The following TAF4 variants were observed in gnomAD, a reference collection of about 807,000 sequenced individuals.
TAF4 encodes TATA-box binding protein associated factor 4, also known as transcription initiation factor TFIID subunit 4.
TAF4 carries 9 observed loss-of-function variants against 90.3 expected under a neutral mutation model. The observed-to-expected ratio is 0.10, with a 90% CI of 0.06 to 0.17. The LOEUF is 0.17. Among genes scored for constraint, TAF4 ranks in the 10% least tolerant of loss-of-function variants. TAF4 has a pLI of 1.00. For missense variants in TAF4, 1,351 were observed against 1,370.7 expected (o/e 0.99, Z 0.23); for synonymous variants, 818 against 638.9 (o/e 1.28, Z -4.23).
At chr20:62,051,394 C>G (rs1951213983) in intron 1 of TAF4, among the ~76,000 whole-genome samples, 1 of 152,142 alleles carries the variant, frequency 6.6e-6, no homozygotes, top group Non-Finnish European at 1.5e-5. Context: ...CTCAGGCCTC[C>G]TCTCACACGA....
At chr20:62,028,480 G>A (rs946749608) in intron 1 of TAF4, among the ~76,000 whole-genome samples, 1 of 152,246 alleles carries the variant, frequency 6.6e-6, no homozygotes, top group South Asian at 2.1e-4. Flanking sequence ...GAGGGCTGAC[G>A]TTTTGCTCGC....
intron 14 of TAF4, among the ~76,000 whole-genome samples, chr20:61,986,973 G>A (rs1382062350): frequency 6.6e-6 from 1 of 152,216 alleles, no homozygotes; most frequent in Non-Finnish European, 1.5e-5. Flanking sequence ...AATGGTATCA[G>A]CAGCCTCCAA....
chr20:62,061,388 AG>A (rs1483143211), intron 1 of TAF4, among the ~76,000 whole-genome samples: 1 of 152,252 alleles, frequency 6.6e-6, no homozygotes, highest in Non-Finnish European at 1.5e-5. Context: ...CCCTAGGCCA[AG>A]GGATCAAGGC....
intron 14 of TAF4, among the ~76,000 whole-genome samples, chr20:61,991,002 A>C (rs2055628091): frequency 6.6e-6 from 1 of 152,236 alleles, no homozygotes; most frequent in Non-Finnish European, 1.5e-5. Context: ...TAAAAAGCAG[A>C]AGAGCATCCC....
intron 14 of TAF4, chr20:61,980,400 C>G (rs983164638): frequency 3.3e-5 from 5 of 152,284 alleles, no homozygotes; most frequent in Non-Finnish European, 5.9e-5. Flanking sequence ...CGCCACGGAG[C>G]CCCAGCCGAG....
intron 1 of TAF4, among the ~76,000 whole-genome samples, chr20:62,043,668 G>A (rs2055976444): frequency 6.6e-6 from 1 of 152,062 alleles, no homozygotes; most frequent in Non-Finnish European, 1.5e-5. Context: ...TCTATGTTTA[G>A]ATACACAAAC....
chr20:62,000,628 C>G lies in TAF4; in HGVS notation c.2580G>C (p.Val860=). Residue 860 remains valine, a synonymous_variant, in exon 10 of 15, where the codon GTG becomes GTC. Transcript: ENST00000252996. ...CTTTACAGGACCGCGTTAGCGTGCC[C>G]ACCAATTCAGAGTTCGTGGCTAATA... ...ARILATNSEL[V]GTLTRSCKDE... 1 of 1,614,282 alleles carries G rather than the reference C, an allele frequency of 6.2e-7. No individual in the cohort carries two copies. The highest frequency in any genetic ancestry group is 8.5e-7 in the Non-Finnish European group (1 of 1,180,050).
At chr20:62,038,551 T>C (rs1434348857) in intron 1 of TAF4, among the ~76,000 whole-genome samples, 1 of 152,088 alleles carries the variant, frequency 6.6e-6, no homozygotes, top group Non-Finnish European at 1.5e-5. Context: ...ACCACGTACA[T>C]GGCATAAAAT....
intron 10 of TAF4, 147 bp downstream of exon 10, chr20:62,000,405 T>G (rs1425698339): frequency 1.6e-5 from 23 of 1,397,202 alleles, no homozygotes; most frequent in Non-Finnish European, 2.2e-5. Context: ...TACCCATATT[T>G]TACCCAAGAA....
At chr20:62,007,122 A>T (rs929709777) in intron 6 of TAF4, 1 of 269,002 alleles carries the variant, frequency 3.7e-6, no homozygotes, top group Non-Finnish European at 6.9e-6. Context: ...TCTATCTATG[A>T]CTGTAACAAA....
rs190233654 is a variant in TAF4 at position 62,011,183 on chromosome 20, G to C, written c.1642-1018C>G. On this transcript the variant is annotated intron_variant, in intron 3 of 14. Transcript: ENST00000252996. Reference sequence around the variant, plus strand: ...TCTAAGTCTGTGTATCTTTTCACTTGTAACAATAAGCATGGATTTTTTTTT... The same window carrying C: ...TCTAAGTCTGTGTATCTTTTCACTTCTAACAATAAGCATGGATTTTTTTTT... Among the ~76,000 whole-genome samples the C allele has an allele frequency of 5.9e-5, 9 of 152,128 alleles. No homozygotes were observed. In the East Asian group the frequency reaches 1.7e-3, roughly 29 times the overall value.
intron 1 of TAF4, among the ~76,000 whole-genome samples, chr20:62,055,298 C>CA (rs2056056319): frequency 1.3e-5 from 2 of 149,964 alleles, no homozygotes; most frequent in African/African-American, 4.9e-5. Flanking sequence ...TGCCTGCGGG[C>CA]GGTCCTGCAA....
Position 62,014,534 on chromosome 20 carries a change from C to T in TAF4, c.1521+13G>A, listed in dbSNP as rs1284581488. On this transcript the variant is annotated intron_variant, in intron 2 of 14. Coordinates refer to ENST00000252996, the MANE Select transcript of TAF4 (RefSeq NM_003185.4). ...GGGAAGGGGTTCGCACTCCAGGGCA[C>T]ACGTGCACTCACCTGTACGGTGGAG... The T allele has an allele frequency of 6.3e-7, 1 of 1,598,616 alleles. No individual in the cohort carries two copies. The highest frequency in any genetic ancestry group is 2.2e-5 in the East Asian group (1 of 44,546).
intron 1 of TAF4, among the ~76,000 whole-genome samples, chr20:62,055,597 A>C (rs1320099122): frequency 6.6e-6 from 1 of 152,172 alleles, no homozygotes; most frequent in Non-Finnish European, 1.5e-5. Context: ...GCAGCCCTAC[A>C]ATATCAATTC....
At chr20:61,987,527 T>C (rs1450579331) in intron 14 of TAF4, among the ~76,000 whole-genome samples, 4 of 152,140 alleles carry the variant, frequency 2.6e-5, no homozygotes, top group Admixed American at 1.3e-4. Flanking sequence ...TAAAACAAGA[T>C]GCACACACCT....
At chr20:61,979,907 C>T (rs1400704824) in intron 14 of TAF4, among the ~76,000 whole-genome samples, 1 of 152,252 alleles carries the variant, frequency 6.6e-6, no homozygotes, top group South Asian at 2.1e-4. Context: ...GGGACTGCGG[C>T]ATGTGCAGGC....
At chr20:61,989,783 G>C (rs1438823496) in intron 14 of TAF4, among the ~76,000 whole-genome samples, 10 of 152,198 alleles carry the variant, frequency 6.6e-5, no homozygotes, top group Non-Finnish European at 4.4e-5. Flanking sequence ...CAGCACTGCA[G>C]TGAGTGAACG....
chr20:62,006,726 G>T lies in TAF4; in HGVS notation c.2007C>A (p.Pro669=). The T allele has an allele frequency of 6.4e-7, 1 of 1,554,528 alleles. No homozygotes were observed. Among genetic ancestry groups the T allele is most frequent in the East Asian group, 2.4e-5 (1 of 42,352 alleles). The change falls in exon 7 of 15, where the codon CCC becomes CCA. Residue 669 remains proline (P), a synonymous_variant. Transcript: ENST00000252996. The surrounding 1 kb of genome is among the most constrained non-coding windows in gnomAD (Gnocchi z 7.0). The part of the protein sequence containing the change: ...RSLPALRQLT[P]DSAAFIQQSQ... ...TCTGCTGGATGAAGGCCGCGGAGTC[G>T]GGGGTCAGCTGTCTCAAGGCGGGTA... is the stretch of plus-strand genomic sequence containing the variant.
chr20:62,042,041 G>T (rs2055966585), intron 1 of TAF4, among the ~76,000 whole-genome samples: 1 of 152,104 alleles, frequency 6.6e-6, no homozygotes, highest in Non-Finnish European at 1.5e-5. Context: ...CCACCCTCAA[G>T]CCTGGACACC....
Sources: gnomAD v4.1 joint callset for allele counts (sites outside exome capture counted in the v4.1 genomes callset) on GRCh38, gnomAD v4.1.1 for gene constraint, Gnocchi (gnomAD v3.1) non-coding constraint, MANE v1.5 for transcripts, NCBI Gene and HGNC (gene_info 2026-07-23, HGNC 2026-07-21) for gene names.